Variants in PIGK observed in about 807,000 individuals in gnomAD.
PIGK encodes the protein GPI-anchor transamidase.
Under a neutral mutation model 50.6 loss-of-function variants are expected in PIGK, and 42 were observed. The ratio of observed to expected loss-of-function variants is 0.83; its 90% CI spans 0.65 to 1.07. PIGK has a LOEUF of 1.07. Among genes scored for constraint, PIGK ranks in the 50% least tolerant of loss-of-function variants. The pLI is 0.00. For synonymous variants in PIGK, 151 were observed against 156.0 expected, an observed-to-expected ratio of 0.97 and a Z score of 0.24; for missense variants, 448 against 488.7, an observed-to-expected ratio of 0.92 and a Z score of 0.78.
intron 9 of PIGK, among the ~76,000 whole-genome samples, chr1:77,126,346 T>G (rs1397655686): frequency 6.6e-6 from 1 of 152,192 alleles, no homozygotes; most frequent in Non-Finnish European, 1.5e-5. Flanking sequence ...TTTTTTAGAA[T>G]GAGCAGTAAC....
chr1:77,181,706 T>A (rs1039273743), intron 3 of PIGK, among the ~76,000 whole-genome samples: 1 of 152,172 alleles, frequency 6.6e-6, no homozygotes, highest in East Asian at 1.9e-4. Flanking sequence ...TTCTGCCTCA[T>A]AGGTGTTGCT....
At chr1:77,188,931 A>G (rs1487516635) in intron 3 of PIGK, among the ~76,000 whole-genome samples, 1 of 152,212 alleles carries the variant, frequency 6.6e-6, no homozygotes, top group Non-Finnish European at 1.5e-5. Flanking sequence ...GATGTATAGT[A>G]AAAGAAAGTA....
intron 3 of PIGK, among the ~76,000 whole-genome samples, chr1:77,205,673 C>G (rs951927835): frequency 3.3e-5 from 5 of 152,092 alleles, no homozygotes; most frequent in Non-Finnish European, 7.4e-5. Flanking sequence ...AAAGTCATAT[C>G]TAACTACAAG....
At chr1:77,216,797 A>G (rs1042592898) in intron 1 of PIGK, among the ~76,000 whole-genome samples, 2 of 152,170 alleles carry the variant, frequency 1.3e-5, no homozygotes, top group Non-Finnish European at 2.9e-5. Context: ...GCGGTAAGTC[A>G]TTTAGCTCTT....
intron 3 of PIGK, chr1:77,195,089 A>C: frequency 9.7e-7 from 1 of 1,030,498 alleles, no homozygotes; most frequent in Non-Finnish European, 1.5e-6. Context: ...AACAACCCAG[A>C]CTGGTGAGGT....
intron 3 of PIGK, among the ~76,000 whole-genome samples, chr1:77,171,243 T>C (rs58915500): frequency 0.037 from 5,588 of 151,756 alleles, 155 homozygotes; most frequent in African/African-American, 0.074. Flanking sequence ...GAGACCATCC[T>C]GGTTAACACA....
chr1:77,203,742 C>A (rs1656223638), intron 3 of PIGK, among the ~76,000 whole-genome samples: 2 of 152,166 alleles, frequency 1.3e-5, no homozygotes, highest in Non-Finnish European at 2.9e-5. Flanking sequence ...TTATTAGTTA[C>A]CCAAATTAAT....
chr1:77,121,638 T>C (rs1654097200), intron 10 of PIGK, among the ~76,000 whole-genome samples: 1 of 152,174 alleles, frequency 6.6e-6, no homozygotes, highest in Non-Finnish European at 1.5e-5. Flanking sequence ...GTCTAAAGGC[T>C]ATAACTCTAG....
At chr1:77,107,746 C>T (rs959828000) in intron 10 of PIGK, among the ~76,000 whole-genome samples, 11 of 151,912 alleles carry the variant, frequency 7.2e-5, no homozygotes, top group African/African-American at 1.2e-4. Context: ...AGGTCTCTAA[C>T]GACTTGCTTT....
In PIGK at chr1:77,096,665, A is replaced by G. The variant is rs538878486; in HGVS notation, c.1072-4175T>C. The stretch of plus-strand genomic sequence containing the variant: ...AGCCTAACTGAGAACACAACTGCCC[A>G]GCTAAACTCATCCTAAATTGCCAAC... On this transcript the variant is annotated intron_variant, in intron 10 of 10. Transcript: ENST00000370812. Among the ~76,000 whole-genome samples, 76 of 152,316 alleles carry G rather than the reference A, an allele frequency of 5.0e-4. 1 individual carries two copies. The highest frequency in any genetic ancestry group is 1.7e-3 in the African/African-American group (69 of 41,570).
intron 9 of PIGK, among the ~76,000 whole-genome samples, chr1:77,143,240 T>C (rs1330384522): frequency 1.3e-5 from 2 of 152,128 alleles, no homozygotes; most frequent in Non-Finnish European, 2.9e-5. Flanking sequence ...CCCTTAACTT[T>C]TTTTGACCCT....
At chr1:77,207,146 G>A (rs558057940) in intron 2 of PIGK, among the ~76,000 whole-genome samples, 10 of 152,206 alleles carry the variant, frequency 6.6e-5, no homozygotes, top group Admixed American at 6.5e-5. Flanking sequence ...CAGCCTTGTC[G>A]ACAGAGCAAG....
chr1:77,183,768 A>C (rs1655675088), intron 3 of PIGK, among the ~76,000 whole-genome samples: 1 of 152,282 alleles, frequency 6.6e-6, no homozygotes. Context: ...ATATGGATTA[A>C]AAGATGGCCC....
chr1:77,178,208 T>A lies in PIGK; in HGVS notation c.240-8813A>T, dbSNP rs531428908. ...GTACACGATAAACTTTAATGGTATA[T>A]ACATTGCCTCATAATCAGTCAGAAA... On this transcript the variant is annotated intron_variant, in intron 3 of 10. Transcript: ENST00000370812. Among the ~76,000 whole-genome samples the A allele has an allele frequency of 3.3e-5, 5 of 152,348 alleles. No individual in the cohort carries two copies. In the South Asian group the frequency reaches 1.0e-3, roughly 32 times the overall value.
At chr1:77,191,768 G>A (rs1281133004) in intron 3 of PIGK, among the ~76,000 whole-genome samples, 2 of 152,166 alleles carry the variant, frequency 1.3e-5, no homozygotes, top group East Asian at 1.9e-4. Flanking sequence ...GCTCATGCCT[G>A]TAATCCCATT....
chr1:77,111,644 T>G (rs1273478184), intron 10 of PIGK, among the ~76,000 whole-genome samples: 2 of 151,362 alleles, frequency 1.3e-5, no homozygotes, highest in Non-Finnish European at 2.9e-5. Context: ...CATTAGGAGA[T>G]ATACCTAATG....
intron 3 of PIGK, among the ~76,000 whole-genome samples, chr1:77,201,333 T>C (rs990914779): frequency 3.3e-5 from 5 of 152,178 alleles, no homozygotes; most frequent in African/African-American, 1.2e-4. Flanking sequence ...TAAATGGTAA[T>C]ACATAAGGTC....
intron 3 of PIGK, among the ~76,000 whole-genome samples, chr1:77,179,929 C>CAA (rs1280992398): frequency 1.3e-5 from 2 of 151,772 alleles, no homozygotes; most frequent in Non-Finnish European, 2.9e-5. Flanking sequence ...TTTGATAACT[C>CAA]AAAGTGTCTT....
At position 77,196,526 on chromosome 1, in the gene PIGK, T is replaced by C. The variant is rs529985518; in HGVS notation, c.239+10114A>G. On this transcript the variant is annotated intron_variant, in intron 3 of 10. Transcript: ENST00000370812. Reference sequence around the variant, plus strand: ...TTAAGTCATTCTGACTGGTGTGAGATGGTATCTCACTGTGGTTTTGATTTG... The same window carrying C: ...TTAAGTCATTCTGACTGGTGTGAGACGGTATCTCACTGTGGTTTTGATTTG... Among the ~76,000 whole-genome samples, 20 of 152,348 alleles carry C rather than the reference T, an allele frequency of 1.3e-4. No homozygotes were observed. In the South Asian group the frequency reaches 3.9e-3, roughly 30 times the overall value.
Sources: allele counts gnomAD v4.1 joint callset (sites outside exome capture counted in the v4.1 genomes callset), GRCh38; gene constraint gnomAD v4.1.1; transcripts MANE v1.5; gene names NCBI Gene and HGNC (gene_info 2026-07-23, HGNC 2026-07-21).